NR1D1: variants seen among roughly 807,000 people sequenced by gnomAD.
NR1D1 encodes the protein Rev-ErbAalpha.
NR1D1 carries 17 observed loss-of-function variants against 51.1 expected under a neutral mutation model. The observed-to-expected ratio is 0.33, with a 90% confidence interval of 0.23 to 0.50. The LOEUF (loss-of-function observed/expected upper bound fraction) is 0.50. NR1D1 is among the 20% of genes least tolerant of loss of function. NR1D1 has a pLI of 0.98. For synonymous variants in NR1D1, 341 were observed against 333.4 expected, an observed-to-expected ratio of 1.02 and a Z score of -0.25; for missense variants, 647 against 830.4, an observed-to-expected ratio of 0.78 and a Z score of 2.71.
chr17:40,095,936 G>A lies in NR1D1; in HGVS notation c.756C>T (p.Pro252=), dbSNP rs149385547. ...TQHPTPGPMG[P]SPPPAPVPSP... ...AGGGGACCGGAGCAGGGGGTGGCGAGGGGCCCATGGGGCCTGGGGTGGGGT... is the reference window on the plus strand; with the variant it reads ...AGGGGACCGGAGCAGGGGGTGGCGAAGGGCCCATGGGGCCTGGGGTGGGGT... Residue 252 remains proline, a synonymous_variant, in exon 5 of 8, where the codon CCC becomes CCT. Transcript: ENST00000246672. 144 of 1,610,878 alleles carry A rather than the reference G, an allele frequency of 8.9e-5. No individual in the cohort carries two copies. Among genetic ancestry groups the A allele is most frequent in the Non-Finnish European group, 1.1e-4 (130 of 1,179,174 alleles).
chr17:40,094,081 G>A lies in NR1D1; in HGVS notation c.1476C>T (p.Asp492=), dbSNP rs1598401912. The change falls in exon 7 of 8, where the codon GAC becomes GAT. Residue 492 remains aspartate (D), a synonymous_variant. Coordinates refer to ENST00000246672, the MANE Select transcript of NR1D1 (RefSeq NM_021724.5). ...VRFASLFNVK[D]QTVMFLSRTT... The stretch of plus-strand genomic sequence containing the variant: ...TGCGGCTTAGGAACATCACTGTCTG[G>A]TCCTTCACGTTGAACAACGAAGCAA... 6.2e-7 allele frequency: 1 copy of A among 1,614,022 alleles called. No individual in the cohort carries two copies. Among genetic ancestry groups the A allele is most frequent in the Non-Finnish European group, 8.5e-7 (1 of 1,180,038 alleles).
chr17:40,099,762 C>G (rs2145106485), intron 1 of NR1D1, among the ~76,000 whole-genome samples: 1 of 152,274 alleles, frequency 6.6e-6, no homozygotes, highest in Middle Eastern at 3.4e-3. Flanking sequence ...TGTTCCAAAG[C>G]TCCCAGTCCC....
In NR1D1 at chr17:40,093,896, CGAGA is replaced by C; in HGVS notation, c.1645+12_1645+15del. On this transcript the variant is annotated intron_variant, in intron 7 of 7. Coordinates refer to ENST00000246672, the MANE Select transcript of NR1D1 (RefSeq NM_021724.5). This position sits in a 1 kb window ranked among gnomAD's most constrained non-coding sequence, Gnocchi z 5.9. ...CGTCTGCCTCCTCCCCCGGGTCAGG[CGAGA>C]GCCTGACCTACCTGCAGAGACAAGC... The C allele has an allele frequency of 6.2e-7, 1 of 1,606,104 alleles. No homozygotes were observed. The highest frequency in any genetic ancestry group is 8.5e-7 in the Non-Finnish European group (1 of 1,178,550).
Position 40,096,448 on chromosome 17 carries a change from C to G in NR1D1, c.599G>C (p.Arg200Pro). ...FKKCLSVGMS[R>P]DAVRFGRIPK... ...ATGTGGGGATGCTGCCTCACCGTCT[C>G]GAGACATGCCCACAGAGAGACACTT... Residue 200 changes from arginine (R) to proline (P), a missense_variant, in exon 4 of 8, where the codon CGA becomes CCA. Coordinates refer to ENST00000246672, the MANE Select transcript of NR1D1 (RefSeq NM_021724.5). The G allele has an allele frequency of 6.2e-7, 1 of 1,614,204 alleles. No homozygotes were observed.
chr17:40,097,448 C>A, intron 1 of NR1D1, 45 bp from the exon 2 acceptor site: 1 of 1,505,066 alleles, frequency 6.6e-7, no homozygotes, highest in Admixed American at 1.9e-5. Flanking sequence ...CGCCATGTCT[C>A]CGGACCTAGG....
At position 40,095,064 on chromosome 17, in the gene NR1D1, G is replaced by A; in HGVS notation, c.1305C>T (p.Ile435=). The A allele has an allele frequency of 1.2e-6, 2 of 1,614,078 alleles. No individual in the cohort carries two copies. The highest frequency in any genetic ancestry group is 1.7e-6 in the Non-Finnish European group (2 of 1,180,032). Reference sequence around the variant, plus strand: ...TGAAGCTCATGGAGAAATCCTCCCAGATCTCCTGCACCGTTCGCCCACTGC... The same window carrying A: ...TGAAGCTCATGGAGAAATCCTCCCAAATCTCCTGCACCGTTCGCCCACTGC... ...HGRSGRTVQE[I]WEDFSMSFTP... Residue 435 remains isoleucine (I), a synonymous_variant, in exon 6 of 8, where the codon ATC becomes ATT. Transcript: ENST00000246672.
At chr17:40,099,250 C>CGG (rs1442633483) in intron 1 of NR1D1, among the ~76,000 whole-genome samples, 1 of 152,248 alleles carries the variant, frequency 6.6e-6, no homozygotes, top group East Asian at 1.9e-4. Flanking sequence ...TCCTACCCGC[C>CGG]CTTCCCCGGC....
rs538867873 is a variant in NR1D1, at chr17:40,095,425, C to T, written c.1248+19G>A. ...CCCCCCAATCTTCTTAACGCACTCG[C>T]CCGCCCCCATGCCCTTACCAGCAGA... On this transcript the variant is annotated intron_variant, in intron 5 of 7. Coordinates refer to ENST00000246672, the MANE Select transcript of NR1D1 (RefSeq NM_021724.5). 6 of 1,516,516 alleles carry T rather than the reference C, an allele frequency of 4.0e-6. No individual in the cohort carries two copies. The East Asian group carries it at 9.1e-5, about 23-fold the overall frequency. 93.9% of individuals were successfully genotyped at this position (1,516,516 alleles called of 1,614,324 possible).
At position 40,100,233 on chromosome 17, in the gene NR1D1, T is replaced by TGCA; in HGVS notation, c.-142_-140dup. ...CTCACGATCAGGATCCGAAGCACCC[T>TGCA]GCAGCAAGGTCTTGGGGTGGCCGGA... On this transcript the variant is annotated 5_prime_UTR_variant, in exon 1 of 8. Coordinates refer to ENST00000246672, the MANE Select transcript of NR1D1 (RefSeq NM_021724.5). 1.4e-6 allele frequency: 1 copy of TGCA among 728,444 alleles called. No individual in the cohort carries two copies. The highest frequency in any genetic ancestry group is 1.5e-5 in the South Asian group (1 of 68,626). The allele number at this position is 728,444 out of a possible 1,614,324, so 45.1% of individuals were successfully genotyped here. A position where few individuals can be genotyped will look rare whatever the true frequency, so the allele number is the denominator to read the frequency against.
chr17:40,095,769 C>T lies in NR1D1; in HGVS notation c.923G>A (p.Gly308Asp), dbSNP rs1244861089. The T allele has an allele frequency of 2.5e-6, 4 of 1,614,090 alleles. No homozygotes were observed. Among genetic ancestry groups the T allele is most frequent in the Non-Finnish European group, 3.4e-6 (4 of 1,180,016 alleles). ...EIFTYAHDKLGSSPGNFNANH... is the reference protein window; with the variant it reads ...EIFTYAHDKLDSSPGNFNANH... ...GGCATTGAAGTTGCCAGGTGAGCTGCCCAGCTTGTCATGGGCGTAGGTGAA... is the reference window on the plus strand; with the variant it reads ...GGCATTGAAGTTGCCAGGTGAGCTGTCCAGCTTGTCATGGGCGTAGGTGAA... Residue 308 changes from glycine to aspartate, a missense_variant, in exon 5 of 8, where the codon GGC becomes GAC. Physicochemically the swap from Gly to Asp is moderately conservative, Grantham distance 94. Around this residue, in one of 7 missense-constraint regions of NR1D1, gnomAD observed 51 missense variants for 75.9 expected, o/e 0.67. Transcript: ENST00000246672.
At chr17:40,094,679 C>T (rs566220655) in intron 6 of NR1D1, among the ~76,000 whole-genome samples, 8 of 152,366 alleles carry the variant, frequency 5.3e-5, no homozygotes, top group Admixed American at 5.2e-4. Flanking sequence ...GGGCAGATCA[C>T]CTGGGGTCAG....
chr17:40,094,932 C>A lies in NR1D1; in HGVS notation c.1434+3G>T. ...AAAACCAGAAGCATAAACGGTCACT[C>A]ACCTCAAAGGTGCCAGCCTTAAGCA... On this transcript the variant is annotated splice_donor_region_variant and intron_variant, in intron 6 of 7. Transcript: ENST00000246672. 1 of 1,613,166 alleles carries A rather than the reference C, an allele frequency of 6.2e-7. No individual in the cohort carries two copies. Among genetic ancestry groups the A allele is most frequent in the Non-Finnish European group, 8.5e-7 (1 of 1,179,604 alleles).
chr17:40,093,870 G>A lies in NR1D1; in HGVS notation c.1645+42C>T, dbSNP rs202143524. The A allele has an allele frequency of 6.3e-7, 1 of 1,581,382 alleles. No individual in the cohort carries two copies. Among genetic ancestry groups the A allele is most frequent in the African/African-American group, 1.3e-5 (1 of 74,374 alleles). ...CATAAAAGGTGTGTTGAATTGAACTGCGTCTGCCTCCTCCCCCGGGTCAGG... is the reference window on the plus strand; with the variant it reads ...CATAAAAGGTGTGTTGAATTGAACTACGTCTGCCTCCTCCCCCGGGTCAGG... On this transcript the variant is annotated intron_variant, in intron 7 of 7. Coordinates refer to ENST00000246672, the MANE Select transcript of NR1D1 (RefSeq NM_021724.5). This position sits in a 1 kb window ranked among gnomAD's most constrained non-coding sequence, Gnocchi z 5.9.
intron 1 of NR1D1, among the ~76,000 whole-genome samples, chr17:40,098,725 G>A (rs1472396157): frequency 6.6e-6 from 1 of 152,200 alleles, no homozygotes; most frequent in African/African-American, 2.4e-5. Context: ...AGCTATGATT[G>A]TGGGGTGCAG....
chr17:40,096,368 A>G (rs776251386), intron 4 of NR1D1, 75 bp downstream of exon 4: 33 of 1,602,278 alleles, frequency 2.1e-5, no homozygotes, highest in Non-Finnish European at 2.7e-5. Flanking sequence ...TCCATTTGTG[A>G]CTTTTTTAAA....
intron 5 of NR1D1, 119 bp from the exon 6 acceptor site, chr17:40,095,239 G>T: frequency 8.4e-7 from 1 of 1,187,154 alleles, no homozygotes; most frequent in Non-Finnish European, 1.2e-6. Flanking sequence ...TGAAGGATGG[G>T]TCTTTCAGAT....
At chr17:40,095,404 C>T in intron 5 of NR1D1, 40 bp downstream of exon 5, 1 of 1,509,300 alleles carries the variant, frequency 6.6e-7, no homozygotes, top group Non-Finnish European at 8.9e-7. Flanking sequence ...CCAGGCCCCC[C>T]CAATCTTCTT....
At position 40,097,255 on chromosome 17, in the gene NR1D1, G is replaced by A. The variant is rs1425754473; in HGVS notation, c.180C>T (p.Leu60=). 6.2e-7 allele frequency: 1 copy of A among 1,612,582 alleles called. No homozygotes were observed. Among genetic ancestry groups the A allele is most frequent in the Non-Finnish European group, 8.5e-7 (1 of 1,178,916 alleles). Residue 60 remains leucine, a synonymous_variant, in exon 2 of 8, where the codon CTC becomes CTT. Coordinates refer to ENST00000246672, the MANE Select transcript of NR1D1 (RefSeq NM_021724.5). The stretch of plus-strand genomic sequence containing the variant: ...CAAAGGAGCGAGCCGGGTCTTGGGT[G>A]AGGGAGCCAGTGGGGGATGGTGGGA... ...TYFPPSPTGS[L]TQDPARSFGS... is the part of the protein sequence containing the mutation.
chr17:40,098,459 C>T (rs1171553968), intron 1 of NR1D1, among the ~76,000 whole-genome samples: 1 of 152,170 alleles, frequency 6.6e-6, no homozygotes, highest in Non-Finnish European at 1.5e-5. Flanking sequence ...GATCAGCTCC[C>T]CCGGTTTCAG....
Sources: gnomAD v4.1 joint callset for allele counts (sites outside exome capture counted in the v4.1 genomes callset) on GRCh38, gnomAD v4.1.1 for gene constraint, gnomAD v4.1.1 regional missense constraint, Gnocchi (gnomAD v3.1) non-coding constraint, MANE v1.5 for transcripts, NCBI Gene and HGNC (gene_info 2026-07-23, HGNC 2026-07-21) for gene names.